The following GRXCR2 variants were observed in gnomAD, a reference collection of about 807,000 sequenced individuals.
GRXCR2 encodes glutaredoxin domain-containing cysteine-rich protein 2.
In GRXCR2, 23 loss-of-function variants were observed where a neutral mutation model predicts 24.8. The observed-to-expected ratio is 0.93, with a 90% CI of 0.67 to 1.32. GRXCR2 has a LOEUF of 1.32. Among genes scored for constraint, GRXCR2 ranks in the 40% most tolerant of loss-of-function variants. GRXCR2 has a pLI of 0.00. For synonymous variants in GRXCR2, 130 were observed against 116.1 expected (o/e 1.12, Z -0.77); for missense variants, 315 against 303.4 (o/e 1.04, Z -0.28).
chr5:145,890,138 G>C (rs1756843885), intron 2 of GRXCR2, among the ~76,000 whole-genome samples: 1 of 152,188 alleles, frequency 6.6e-6, no homozygotes, highest in East Asian at 1.9e-4. Flanking sequence ...TGCCAGGCTG[G>C]AGTGCAGTGA....
intron 2 of GRXCR2, among the ~76,000 whole-genome samples, chr5:145,916,120 G>T (rs1221577145): frequency 6.6e-6 from 1 of 152,136 alleles, no homozygotes; most frequent in Non-Finnish European, 1.5e-5. Flanking sequence ...GGAGGAAGCG[G>T]GGGGCGCTGC....
chr5:145,911,077 ATACT>A (rs1757159799), intron 2 of GRXCR2, among the ~76,000 whole-genome samples: 1 of 152,272 alleles, frequency 6.6e-6, no homozygotes, highest in South Asian at 2.1e-4. Context: ...TTTATTGAAA[ATACT>A]TAATTGGCGA....
At chr5:145,920,754 TTC>T (rs1308308013) in intron 2 of GRXCR2, among the ~76,000 whole-genome samples, 1 of 152,256 alleles carries the variant, frequency 6.6e-6, no homozygotes. Flanking sequence ...GTCTGAATGT[TTC>T]TGTCTCCTTA....
intron 2 of GRXCR2, among the ~76,000 whole-genome samples, chr5:145,906,738 GGC>G (rs1406066703): frequency 6.6e-6 from 1 of 152,070 alleles, no homozygotes; most frequent in African/African-American, 2.4e-5. Context: ...TACTCTTCCG[GGC>G]ACTGGAAATA....
At chr5:145,891,034 T>C (rs1756856435) in intron 2 of GRXCR2, among the ~76,000 whole-genome samples, 2 of 151,962 alleles carry the variant, frequency 1.3e-5, no homozygotes, top group Admixed American at 6.6e-5. Flanking sequence ...AATGGGTAAA[T>C]GACAAAGGGT....
intron 2 of GRXCR2, among the ~76,000 whole-genome samples, chr5:145,907,844 C>T (rs1055359500): frequency 6.6e-6 from 1 of 152,154 alleles, no homozygotes; most frequent in Non-Finnish European, 1.5e-5. Flanking sequence ...TTGTTATTAG[C>T]AGATGTGGGG....
At position 145,859,227 on chromosome 5, in the gene GRXCR2, T is replaced by C. The variant is rs1756288631; in HGVS notation, c.*506A>G. The C allele has an allele frequency of 6.4e-6, 1 of 156,528 alleles. No individual in the cohort carries two copies. Among genetic ancestry groups the C allele is most frequent in the Non-Finnish European group, 1.4e-5 (1 of 70,332 alleles). The allele number at this position is 156,528 out of a possible 1,614,324, so 9.7% of individuals were successfully genotyped here. On this transcript the variant is annotated 3_prime_UTR_variant, in exon 3 of 3. Transcript: ENST00000377976. ...AGTGAACATCCCATTTTGCTTGCTG[T>C]GGCCTGCTAGTGCGTTCAGCGTTGG...
At chr5:145,906,359 AG>A (rs202083136) in intron 2 of GRXCR2, among the ~76,000 whole-genome samples, 98 of 150,522 alleles carry the variant, frequency 6.5e-4, no homozygotes, top group African/African-American at 1.1e-3. Flanking sequence ...AAAAAAAAAA[AG>A]GGGGGTGCTT....
intron 2 of GRXCR2, among the ~76,000 whole-genome samples, chr5:145,896,900 A>G (rs572796310): frequency 1.2e-3 from 188 of 152,258 alleles, no homozygotes; most frequent in African/African-American, 4.4e-3. Context: ...TCCAAGAATG[A>G]TAGACTGGAT....
At chr5:145,912,577 G>GT (rs908666559) in intron 2 of GRXCR2, among the ~76,000 whole-genome samples, 70 of 152,264 alleles carry the variant, frequency 4.6e-4, no homozygotes, top group African/African-American at 1.6e-3. Context: ...ATAGATGGTG[G>GT]TAAGTGTTTT....
Position 145,904,317 on chromosome 5 carries a change from G to A in GRXCR2, c.-70+31384C>T, listed in dbSNP as rs555424761. 2.6e-5 allele frequency among the ~76,000 whole-genome samples: 4 copies of A among 152,294 alleles called. No individual in the cohort carries two copies. In the East Asian group the frequency reaches 7.7e-4, roughly 29 times the overall value. ...CATGGGATGGTAGATCCAGAGTAGG[G>A]CCCACAGTAACCCGGATCTGGCCTG... On this transcript the variant is annotated intron_variant, in intron 2 of 3. Coordinates refer to the GRXCR2 transcript ENST00000639411.
chr5:145,859,592 A>C lies in GRXCR2; in HGVS notation c.*141T>G. Reference sequence around the variant, plus strand: ...CCGGCCTCACAAAATGTCATCAGATAATTGAGTTTTGCCAGCAGTGGGAGT... The same window carrying C: ...CCGGCCTCACAAAATGTCATCAGATCATTGAGTTTTGCCAGCAGTGGGAGT... On this transcript the variant is annotated 3_prime_UTR_variant, in exon 3 of 3. Coordinates refer to ENST00000377976, the MANE Select transcript of GRXCR2 (RefSeq NM_001080516.2). The C allele has an allele frequency of 1.5e-6, 1 of 688,466 alleles. No homozygotes were observed. Among genetic ancestry groups the C allele is most frequent in the Non-Finnish European group, 2.6e-6 (1 of 391,518 alleles). The allele number at this position is 688,466 out of a possible 1,614,324, so 42.6% of individuals were successfully genotyped here.
At chr5:145,884,417 T>C (rs1231709281) in intron 2 of GRXCR2, among the ~76,000 whole-genome samples, 1 of 152,190 alleles carries the variant, frequency 6.6e-6, no homozygotes, top group Non-Finnish European at 1.5e-5. Flanking sequence ...GGGTTGGTAT[T>C]AATATCAGAA....
At chr5:145,868,474 T>C (rs1186791675) in intron 1 of GRXCR2, among the ~76,000 whole-genome samples, 1 of 152,158 alleles carries the variant, frequency 6.6e-6, no homozygotes, top group Non-Finnish European at 1.5e-5. Flanking sequence ...TTCTCTCCCT[T>C]TCTTCAAGGG....
At chr5:145,917,470 C>A (rs1230343869) in intron 2 of GRXCR2, among the ~76,000 whole-genome samples, 1 of 152,178 alleles carries the variant, frequency 6.6e-6, no homozygotes, top group Non-Finnish European at 1.5e-5. Context: ...CTCCCACTCA[C>A]TGAATCATTC....
chr5:145,872,583 G>A (rs376965784), intron 1 of GRXCR2, 50 bp downstream of exon 1: 58 of 1,466,924 alleles, frequency 4.0e-5, no homozygotes, highest in Non-Finnish European at 4.8e-5. Flanking sequence ...CTCTAAACAC[G>A]TTTTAGGAAG....
chr5:145,883,866 C>A lies in GRXCR2; in HGVS notation c.-69-17138G>T, dbSNP rs575382480. On this transcript the variant is annotated intron_variant, in intron 2 of 3. Coordinates refer to the GRXCR2 transcript ENST00000639411. ...TCGCACCACTGCACTCCAGCCTGGGCGACAGAGTGAGACCCAAAGTTGGCT... is the reference window on the plus strand; with the variant it reads ...TCGCACCACTGCACTCCAGCCTGGGAGACAGAGTGAGACCCAAAGTTGGCT... Among the ~76,000 whole-genome samples the A allele has an allele frequency of 2.6e-5, 4 of 152,262 alleles. No individual in the cohort carries two copies. The East Asian group carries it at 5.8e-4, about 22-fold the overall frequency.
At chr5:145,922,563 C>T (rs1056905698) in intron 2 of GRXCR2, among the ~76,000 whole-genome samples, 12 of 152,170 alleles carry the variant, frequency 7.9e-5, no homozygotes, top group South Asian at 2.1e-4. Context: ...CTCACAACAT[C>T]GTTGTTGAAT....
chr5:145,864,692 T>C (rs890112962), intron 2 of GRXCR2, among the ~76,000 whole-genome samples: 8 of 152,110 alleles, frequency 5.3e-5, no homozygotes, highest in African/African-American at 9.7e-5. Context: ...TCCACCAAGA[T>C]TGTAAGTTTC....
Sources: gnomAD v4.1 joint callset for allele counts (sites outside exome capture counted in the v4.1 genomes callset) on GRCh38, gnomAD v4.1.1 for gene constraint, MANE v1.5 for transcripts, NCBI Gene and HGNC (gene_info 2026-07-23, HGNC 2026-07-21) for gene names.